Variants in MINDY4 observed in about 807,000 individuals in gnomAD.
MINDY4 encodes MINDY lysine 48 deubiquitinase 4.
In MINDY4, 68 loss-of-function variants were observed where a neutral mutation model predicts 87.0. That is an observed-to-expected ratio of 0.78 (90% CI 0.64 to 0.96). The LOEUF is 0.96. MINDY4 is among the 40% of genes least tolerant of loss of function. The probability of loss-of-function intolerance (pLI) is 0.00; values close to 1 mark genes in which losing one functional copy is unlikely to be tolerated. For synonymous variants in MINDY4, 379 were observed against 363.2 expected, an observed-to-expected ratio of 1.04 and a Z score of -0.50; for missense variants, 919 against 928.2, an observed-to-expected ratio of 0.99 and a Z score of 0.13.
rs1789478357 is a variant in MINDY4, at chr7:30,853,444, A to G, written c.1662A>G (p.Gln554=). Residue 554 remains glutamine, a synonymous_variant, in exon 12 of 18, where the codon CAA becomes CAG. Transcript: ENST00000265299. ...ATGAGGACCTGGTGACTTTTCTTCA[A>G]CAAAGCATTCATCAGGTATGAAGCA... is the stretch of plus-strand genomic sequence containing the variant. ...TCYEDLVTFL[Q]QSIHQFEVGP... is the part of the protein sequence containing the mutation. The G allele has an allele frequency of 1.2e-6, 2 of 1,612,962 alleles. No individual in the cohort carries two copies. Among genetic ancestry groups the G allele is most frequent in the Admixed American group, 1.7e-5 (1 of 59,944 alleles).
At chr7:30,837,351 T>G (rs1292849886) in intron 7 of MINDY4, among the ~76,000 whole-genome samples, 9 of 152,156 alleles carry the variant, frequency 5.9e-5, no homozygotes, top group African/African-American at 2.2e-4. Flanking sequence ...CAGGATGGAA[T>G]GTCATTCCCG....
At chr7:30,809,485 C>T (rs1350219147) in intron 5 of MINDY4, among the ~76,000 whole-genome samples, 6 of 151,434 alleles carry the variant, frequency 4.0e-5, no homozygotes, top group Non-Finnish European at 7.4e-5. Flanking sequence ...TACAAAGGCC[C>T]GACCAGACCT....
chr7:30,862,153 G>A (rs1789785364), intron 13 of MINDY4, among the ~76,000 whole-genome samples: 1 of 152,234 alleles, frequency 6.6e-6, no homozygotes, highest in Non-Finnish European at 1.5e-5. Flanking sequence ...CCTGACTGTT[G>A]CATGCTTCCC....
At chr7:30,853,854 G>A (rs1789490685) in intron 12 of MINDY4, among the ~76,000 whole-genome samples, 1 of 152,234 alleles carries the variant, frequency 6.6e-6, no homozygotes, top group Non-Finnish European at 1.5e-5. Flanking sequence ...GTGGGTCCTG[G>A]GACCAGCTGG....
intron 6 of MINDY4, among the ~76,000 whole-genome samples, chr7:30,831,972 C>T (rs1041205164): frequency 6.6e-6 from 1 of 152,086 alleles, no homozygotes; most frequent in Non-Finnish European, 1.5e-5. Flanking sequence ...GTCTTCCTGG[C>T]CAACATGTCG....
At chr7:30,777,515 G>A (rs1262907200) in intron 1 of MINDY4, among the ~76,000 whole-genome samples, 2 of 152,062 alleles carry the variant, frequency 1.3e-5, no homozygotes, top group Non-Finnish European at 2.9e-5. Context: ...TCAAGATTGT[G>A]TTCTTTTAGT....
At chr7:30,824,240 A>T (rs1562543267) in intron 5 of MINDY4, among the ~76,000 whole-genome samples, 1 of 152,198 alleles carries the variant, frequency 6.6e-6, no homozygotes, top group Non-Finnish European at 1.5e-5. Context: ...AAGGCATCAC[A>T]TGATGGGGAG....
In MINDY4 at chr7:30,864,244, G is replaced by A. The variant is rs140034140; in HGVS notation, c.1745+4920G>A. ...AGGGATGACGCTGGGCAGGACCCAC[G>A]CCATGTCACTCTGTGGCTCTTTGTA... is the stretch of plus-strand genomic sequence containing the variant. On this transcript the variant is annotated intron_variant, in intron 13 of 17. Coordinates refer to ENST00000265299, the MANE Select transcript of MINDY4 (RefSeq NM_032222.3). Among the ~76,000 whole-genome samples, 660 of 152,334 alleles carry A rather than the reference G, an allele frequency of 4.3e-3. 5 individuals are homozygous for A. The highest frequency in any genetic ancestry group is 0.015 in the African/African-American group (614 of 41,572).
intron 5 of MINDY4, among the ~76,000 whole-genome samples, chr7:30,811,972 T>C (rs1399102632): frequency 6.6e-6 from 1 of 152,238 alleles, no homozygotes; most frequent in African/African-American, 2.4e-5. Flanking sequence ...CTGTGGCTTG[T>C]CCTGCTACAG....
At chr7:30,882,866 CAG>C (rs1296050107) in intron 16 of MINDY4, 53 bp from the exon 17 acceptor site, 8 of 1,565,216 alleles carry the variant, frequency 5.1e-6, no homozygotes, top group Non-Finnish European at 7.0e-6. Flanking sequence ...GCGCTGACCT[CAG>C]GGTGAGTGCA....
chr7:30,838,103 C>T (rs1374095723), intron 7 of MINDY4, among the ~76,000 whole-genome samples: 1 of 152,082 alleles, frequency 6.6e-6, no homozygotes, highest in Non-Finnish European at 1.5e-5. Flanking sequence ...TTCAGAGACC[C>T]CCTCAGATGT....
At chr7:30,833,134 A>G (rs113487326) in intron 6 of MINDY4, among the ~76,000 whole-genome samples, 3 of 152,192 alleles carry the variant, frequency 2.0e-5, no homozygotes, top group African/African-American at 7.2e-5. Flanking sequence ...TTATTTATGT[A>G]AGGCCATGGT....
At chr7:30,865,023 G>A (rs1188379464) in intron 13 of MINDY4, among the ~76,000 whole-genome samples, 23 of 152,178 alleles carry the variant, frequency 1.5e-4, no homozygotes, top group Non-Finnish European at 1.5e-5. Context: ...TTCTGAACGG[G>A]AGGGGTCCAT....
chr7:30,878,338 T>C (rs1336156969), intron 15 of MINDY4, among the ~76,000 whole-genome samples: 1 of 152,182 alleles, frequency 6.6e-6, no homozygotes, highest in Admixed American at 6.5e-5. Flanking sequence ...AAAAGTGAGC[T>C]ACCCAGATGA....
rs370104814 is a variant in MINDY4, at chr7:30,850,485, C to T, written c.1477C>T (p.Arg493Cys). 44 of 1,612,424 alleles carry T rather than the reference C, an allele frequency of 2.7e-5. No individual in the cohort carries two copies. The highest frequency in any genetic ancestry group is 6.7e-5 in the East Asian group (3 of 44,818). The change falls in exon 10 of 18, where the codon CGC (arginine) becomes TGC (cysteine). Residue 493 changes from arginine to cysteine, a missense_variant. Coordinates refer to ENST00000265299, the MANE Select transcript of MINDY4 (RefSeq NM_032222.3). ...GCAGCCTTCAGATGCCCACCGGACC[C>T]GCTGCCTCGTCCTGGCCCTCGCAGA... is the stretch of plus-strand genomic sequence containing the variant. Reference protein sequence around the residue: ...GLQPSDAHRTRCLVLALADIV... With the variant: ...GLQPSDAHRTCCLVLALADIV...
chr7:30,831,113 G>T (rs534824745), intron 6 of MINDY4, among the ~76,000 whole-genome samples: 1 of 152,274 alleles, frequency 6.6e-6, no homozygotes, highest in South Asian at 2.1e-4. Context: ...GGATACTGGT[G>T]AGGGGCTCTT....
Position 30,808,271 on chromosome 7 carries a change from C to T in MINDY4, c.1073+16697C>T, listed in dbSNP as rs146034554. On this transcript the variant is annotated intron_variant, in intron 5 of 17. Coordinates refer to ENST00000265299, the MANE Select transcript of MINDY4 (RefSeq NM_032222.3). ...TGGTAAGACTAGTCTTTGGAACTTG[C>T]CCACTCCATTTGAGTGGAAGCGTGG... Among the ~76,000 whole-genome samples the T allele has an allele frequency of 7.7e-3, 1,173 of 152,308 alleles. 6 individuals are homozygous for T. The highest frequency in any genetic ancestry group is 0.02 in the Middle Eastern group (6 of 294).
intron 13 of MINDY4, among the ~76,000 whole-genome samples, chr7:30,860,058 C>T (rs1459584254): frequency 6.6e-6 from 1 of 152,152 alleles, no homozygotes; most frequent in African/African-American, 2.4e-5. Context: ...TTGCCCCATT[C>T]ACTTTCAAGC....
chr7:30,859,587 C>T (rs911290414), intron 13 of MINDY4, among the ~76,000 whole-genome samples: 4 of 152,226 alleles, frequency 2.6e-5, no homozygotes, highest in African/African-American at 9.6e-5. Flanking sequence ...AGGAGCTTGC[C>T]TGGAACTGCA....
Sources: gnomAD v4.1 joint callset for allele counts (sites outside exome capture counted in the v4.1 genomes callset) on GRCh38, gnomAD v4.1.1 for gene constraint, MANE v1.5 for transcripts, NCBI Gene and HGNC (gene_info 2026-07-23, HGNC 2026-07-21) for gene names.